Variants in METRNL observed in about 807,000 individuals in gnomAD.
METRNL encodes the protein meteorin-like protein.
In METRNL, 9 loss-of-function variants were observed where a neutral mutation model predicts 17.4. The ratio of observed to expected loss-of-function variants is 0.52; its 90% CI spans 0.31 to 0.90. The LOEUF is 0.90. Among genes scored for constraint, METRNL ranks in the 40% least tolerant of loss-of-function variants. METRNL has a pLI of 0.05. For synonymous variants in METRNL, 215 were observed against 199.3 expected (o/e 1.08, Z -0.66); for missense variants, 408 against 430.7 (o/e 0.95, Z 0.47).
intron 3 of METRNL, among the ~76,000 whole-genome samples, 165 bp from the exon 4 acceptor site, chr17:83,094,091 G>C (rs796977429): frequency 6.6e-6 from 1 of 152,214 alleles, no homozygotes; most frequent in South Asian, 2.1e-4. Context: ...GCAGCTTTCT[G>C]CTGTTACATT....
chr17:83,084,700 C>T (rs2038029009), intron 1 of METRNL: 7 of 563,288 alleles, frequency 1.2e-5, no homozygotes, highest in South Asian at 2.4e-5. Context: ...CCCGCCCCAC[C>T]ATGGCTCTTG....
chr17:83,091,350 G>A (rs2038133971), intron 2 of METRNL, among the ~76,000 whole-genome samples: 1 of 152,208 alleles, frequency 6.6e-6, no homozygotes, highest in African/African-American at 2.4e-5. Flanking sequence ...AGCCCGGCTG[G>A]GAGGCGCCCT....
chr17:83,089,519 C>T (rs2038091863), intron 2 of METRNL, among the ~76,000 whole-genome samples: 1 of 152,096 alleles, frequency 6.6e-6, no homozygotes, highest in Non-Finnish European at 1.5e-5. Flanking sequence ...GCAGCGTCCC[C>T]AACCCCACCC....
chr17:83,085,064 G>A lies in METRNL; in HGVS notation c.297G>A (p.Ser99=), dbSNP rs540353013. The change falls in exon 2 of 4, where the codon TCG becomes TCA. Residue 99 remains serine (S), a synonymous_variant. Coordinates refer to ENST00000320095, the MANE Select transcript of METRNL (RefSeq NM_001004431.3). ...LIVNLRPNTF[S]PARHLTVCIR... is the part of the protein sequence containing the mutation. ...TTAACCTGCGGCCCAACACCTTCTC[G>A]CCTGCCCGGCACCTGACCGTGTGCA... is the stretch of plus-strand genomic sequence containing the variant. 55 of 1,613,912 alleles carry A rather than the reference G, an allele frequency of 3.4e-5. No homozygotes were observed. The Admixed American group carries it at 5.0e-4, about 15-fold the overall frequency.
chr17:83,084,995 G>C lies in METRNL; in HGVS notation c.228G>C (p.Ala76=). ...TGGAGCAGGTGTATCTGCGCTGTGCGGCGGGTGCCGTGGAGTGGATGTACC... is the reference window on the plus strand; with the variant it reads ...TGGAGCAGGTGTATCTGCGCTGTGCCGCGGGTGCCGTGGAGTGGATGTACC... ...KEVEQVYLRC[A]AGAVEWMYPT... The change falls in exon 2 of 4, where the codon GCG becomes GCC. Residue 76 remains alanine, a synonymous_variant. Transcript: ENST00000320095. 1 of 1,613,464 alleles carries C rather than the reference G, an allele frequency of 6.2e-7. No individual in the cohort carries two copies. The highest frequency in any genetic ancestry group is 8.5e-7 in the Non-Finnish European group (1 of 1,179,758).
intron 1 of METRNL, among the ~76,000 whole-genome samples, chr17:83,081,619 CGCCATCGTT>C (rs1400350188): frequency 1.3e-5 from 2 of 152,072 alleles, no homozygotes; most frequent in Non-Finnish European, 2.9e-5. Context: ...AGGCCCTCTT[CGCCATCGTT>C]GCCAGTCCTG....
intron 1 of METRNL, among the ~76,000 whole-genome samples, chr17:83,083,100 TG>T (rs2038008882): frequency 6.6e-6 from 1 of 152,180 alleles, no homozygotes; most frequent in African/African-American, 2.4e-5. Context: ...GTCTTCTGAG[TG>T]GGTGGAGCCA....
In METRNL at chr17:83,090,855, C is replaced by G. The variant is rs542335842; in HGVS notation, c.557-2312C>G. ...CCCAGTGCTCCCTCCTTGTTGCTTC[C>G]GGACGTGAGTGGTGGTCTGTGCTGC... On this transcript the variant is annotated intron_variant, in intron 2 of 3. Coordinates refer to ENST00000320095, the MANE Select transcript of METRNL (RefSeq NM_001004431.3). Among the ~76,000 whole-genome samples the G allele has an allele frequency of 9.8e-4, 149 of 152,138 alleles. 1 individual carries two copies. Among genetic ancestry groups the G allele is most frequent in the Non-Finnish European group, 1.9e-3 (132 of 67,976 alleles).
intron 1 of METRNL, among the ~76,000 whole-genome samples, chr17:83,082,966 C>G (rs141395525): frequency 8.5e-5 from 13 of 152,374 alleles, no homozygotes; most frequent in African/African-American, 3.1e-4. Context: ...GGGGAGCAGG[C>G]CCTGTGCTGG....
intron 2 of METRNL, among the ~76,000 whole-genome samples, chr17:83,088,356 G>A (rs537808699): frequency 1.6e-4 from 24 of 152,320 alleles, no homozygotes; most frequent in Non-Finnish European, 2.5e-4. Context: ...AACGGGCACC[G>A]TTCAGTGGCT....
At position 83,085,121 on chromosome 17, in the gene METRNL, T is replaced by C; in HGVS notation, c.354T>C (p.Asn118=). 4.3e-6 allele frequency: 7 copies of C among 1,613,674 alleles called. No homozygotes were observed. Among genetic ancestry groups the C allele is most frequent in the Non-Finnish European group, 5.9e-6 (7 of 1,179,988 alleles). ...IRSFTDSSGA[N]IYLEKTGELR... Reference sequence around the variant, plus strand: ...CCTTCACGGACTCCTCGGGGGCCAATATTTATTTGGAAAAAACTGGAGAAC... The same window carrying C: ...CCTTCACGGACTCCTCGGGGGCCAACATTTATTTGGAAAAAACTGGAGAAC... Residue 118 remains asparagine (N), a synonymous_variant, in exon 2 of 4, where the codon AAT becomes AAC. Transcript: ENST00000320095.
chr17:83,092,950 C>T (rs771720257), intron 2 of METRNL, among the ~76,000 whole-genome samples: 11 of 152,118 alleles, frequency 7.2e-5, no homozygotes, highest in Admixed American at 4.6e-4. Flanking sequence ...GAGACCCCGT[C>T]GTGGTCGAGG....
chr17:83,080,514 G>T (rs1262451343), intron 1 of METRNL, among the ~76,000 whole-genome samples: 3 of 118,914 alleles, frequency 2.5e-5, no homozygotes, highest in Non-Finnish European at 5.0e-5. Flanking sequence ...CCCCGCCCCT[G>T]CCCCGTGAAG....
intron 3 of METRNL, 35 bp downstream of exon 3, chr17:83,093,261 C>T: frequency 3.2e-6 from 5 of 1,570,294 alleles, no homozygotes; most frequent in Non-Finnish European, 4.3e-6. Context: ...ACCTCCTGTG[C>T]TCCTGGTTTC....
At chr17:83,086,293 G>A (rs1389936189) in intron 2 of METRNL, among the ~76,000 whole-genome samples, 1 of 152,254 alleles carries the variant, frequency 6.6e-6, no homozygotes, top group Non-Finnish European at 1.5e-5. Context: ...TTTACAGAGT[G>A]AGTGTAGGAC....
chr17:83,085,424 C>T (rs993487521), intron 2 of METRNL, 101 bp downstream of exon 2: 6 of 1,417,148 alleles, frequency 4.2e-6, no homozygotes, highest in Admixed American at 2.4e-5. Flanking sequence ...GTCTGCTCAG[C>T]CTTGGTGAAA....
At chr17:83,093,843 G>A (rs936941803) in intron 3 of METRNL, among the ~76,000 whole-genome samples, 2 of 152,142 alleles carry the variant, frequency 1.3e-5, no homozygotes, top group East Asian at 1.9e-4. Context: ...CTGCTTTCCC[G>A]GCCCCTGGCA....
chr17:83,094,386 C>T lies in METRNL; in HGVS notation c.747C>T (p.His249=). 1 of 1,610,548 alleles carries T rather than the reference C, an allele frequency of 6.2e-7. No homozygotes were observed. Among genetic ancestry groups the T allele is most frequent in the African/African-American group, 1.3e-5 (1 of 75,024 alleles). The change falls in exon 4 of 4, where the codon CAC becomes CAT. Residue 249 remains histidine (H), a synonymous_variant. Coordinates refer to ENST00000320095, the MANE Select transcript of METRNL (RefSeq NM_001004431.3). ...VFEPVPEGDG[H]WQGRVRTLLE... ...AGCCGGTGCCCGAGGGTGACGGCCACTGGCAGGGGCGCGTCAGGACGCTGC... is the reference window on the plus strand; with the variant it reads ...AGCCGGTGCCCGAGGGTGACGGCCATTGGCAGGGGCGCGTCAGGACGCTGC...
intron 1 of METRNL, chr17:83,084,028 C>G (rs1421537436): frequency 6.6e-6 from 1 of 152,192 alleles, no homozygotes; most frequent in Non-Finnish European, 1.5e-5. Context: ...ATAACTGTTT[C>G]TACTCAGGAC....
Sources: gnomAD v4.1 joint callset for allele counts (sites outside exome capture counted in the v4.1 genomes callset) on GRCh38, gnomAD v4.1.1 for gene constraint, MANE v1.5 for transcripts, NCBI Gene and HGNC (gene_info 2026-07-23, HGNC 2026-07-21) for gene names.